CRMP1: variants seen among roughly 807,000 people sequenced by gnomAD.
CRMP1 encodes the protein dihydropyrimidinase-related protein 1.
In CRMP1, 19 loss-of-function variants were observed where a neutral mutation model predicts 68.3. The ratio of observed to expected loss-of-function variants is 0.28; its 90% CI spans 0.19 to 0.41. The LOEUF (loss-of-function observed/expected upper bound fraction) is 0.41. Among genes scored for constraint, CRMP1 ranks in the 10% least tolerant of loss-of-function variants. The pLI is 1.00. For missense variants in CRMP1, 791 were observed against 967.4 expected, an observed-to-expected ratio of 0.82 and a Z score of 2.42; for synonymous variants, 439 against 399.6, an observed-to-expected ratio of 1.10 and a Z score of -1.18.
intron 6 of CRMP1, among the ~76,000 whole-genome samples, chr4:5,844,625 G>A (rs1712044537): frequency 6.6e-6 from 1 of 152,240 alleles, no homozygotes; most frequent in African/African-American, 2.4e-5. Flanking sequence ...AAGCTGGAAA[G>A]CAGATGTCCA....
rs1713296413 is a variant in CRMP1, at chr4:5,858,468, G to A, written c.656-2161C>T. On this transcript the variant is annotated intron_variant, in intron 3 of 13. Coordinates refer to ENST00000324989, the MANE Select transcript of CRMP1 (RefSeq NM_001014809.3). The surrounding 1 kb of genome is among the most constrained non-coding windows in gnomAD (Gnocchi z 5.5). The stretch of plus-strand genomic sequence containing the variant: ...AACGGTTCCACAGCCAGAGGCCCAG[G>A]TCACCCGTGGCACTTCCTTTCCCTC... 6.6e-6 allele frequency among the ~76,000 whole-genome samples: 1 copy of A among 152,096 alleles called. No homozygotes were observed. Among genetic ancestry groups the A allele is most frequent in the Non-Finnish European group, 1.5e-5 (1 of 68,032 alleles).
rs1176509539 is a variant in CRMP1 at position 5,841,581 on chromosome 4, C to T, written c.1033-153G>A. Among the ~76,000 whole-genome samples the T allele has an allele frequency of 6.6e-6, 1 of 152,242 alleles. No individual in the cohort carries two copies. Among genetic ancestry groups the T allele is most frequent in the East Asian group, 1.9e-4 (1 of 5,200 alleles). On this transcript the variant is annotated intron_variant, in intron 7 of 13. Coordinates refer to ENST00000324989, the MANE Select transcript of CRMP1 (RefSeq NM_001014809.3). This position sits in a 1 kb window ranked among gnomAD's most constrained non-coding sequence, Gnocchi z 6.9. ...GTCCAACAGCGCTTGACAGTGCCCC[C>T]TGCTCTCCGGGGTGGAGCATTGGTC...
At chr4:5,827,657 C>T (rs1719863251) in intron 12 of CRMP1, among the ~76,000 whole-genome samples, 1 of 152,010 alleles carries the variant, frequency 6.6e-6, no homozygotes, top group Admixed American at 6.6e-5. Context: ...CACACATCCC[C>T]ATATGCACAC....
At position 5,879,873 on chromosome 4, in the gene CRMP1, G is replaced by T. The variant is rs187436962; in HGVS notation, c.381+12716C>A. On this transcript the variant is annotated intron_variant, in intron 1 of 13. Transcript: ENST00000324989. The surrounding 1 kb of genome is among the most constrained non-coding windows in gnomAD (Gnocchi z 4.2). ...AATATAGCAAAAAAAAAAATGAGAC[G>T]AAAGGAAAGGAAAATGAAAGAAAGT... 6.6e-6 allele frequency among the ~76,000 whole-genome samples: 1 copy of T among 150,876 alleles called. No individual in the cohort carries two copies. Among genetic ancestry groups the T allele is most frequent in the Non-Finnish European group, 1.5e-5 (1 of 67,982 alleles).
At chr4:5,822,835 G>C (rs113830215) in intron 13 of CRMP1, among the ~76,000 whole-genome samples, 1 of 152,134 alleles carries the variant, frequency 6.6e-6, no homozygotes, top group African/African-American at 2.4e-5. Flanking sequence ...ACAGAAAAAC[G>C]TAAGTAAGTT....
Position 5,890,244 on chromosome 4 carries a change from G to A in CRMP1, c.381+2345C>T, listed in dbSNP as rs144997841. On this transcript the variant is annotated intron_variant, in intron 1 of 13. Coordinates refer to ENST00000324989, the MANE Select transcript of CRMP1 (RefSeq NM_001014809.3). This position sits in a 1 kb window ranked among gnomAD's most constrained non-coding sequence, Gnocchi z 5.5. ...CTGAGCAGAAAGCCCCTACAGCAAG[G>A]GACAAGACCACGTGCGTATCAGGGG... is the stretch of plus-strand genomic sequence containing the variant. 0.021 allele frequency: 3,259 copies of A among 154,808 alleles called. 39 individuals carry two copies. The highest frequency in any genetic ancestry group is 0.055 in the South Asian group (276 of 4,984). 9.6% of individuals were successfully genotyped at this position (154,808 alleles called of 1,614,324 possible).
At chr4:5,830,435 T>G (rs1577745473) in intron 11 of CRMP1, among the ~76,000 whole-genome samples, 1 of 152,212 alleles carries the variant, frequency 6.6e-6, no homozygotes, top group African/African-American at 2.4e-5. Context: ...CCTTCAAAAT[T>G]ATCATTCTTT....
chr4:5,837,351 TGA>T (rs1174078139), intron 9 of CRMP1, among the ~76,000 whole-genome samples: 2 of 151,688 alleles, frequency 1.3e-5, no homozygotes, highest in Non-Finnish European at 2.9e-5. Flanking sequence ...TGGACCAGGC[TGA>T]GTGTGGTGGC....
In CRMP1 at chr4:5,836,835, T is replaced by G. The variant is rs1720760982; in HGVS notation, c.1382A>C (p.Asn461Thr). Residue 461 changes from asparagine (N) to threonine (T), a missense_variant, in exon 10 of 14, where the codon AAC (asparagine) becomes ACC (threonine). Around this residue, in one of 3 missense-constraint regions of CRMP1, gnomAD observed 594 missense variants for 763.6 expected, o/e 0.78. Transcript: ENST00000324989. Reference protein sequence around the residue: ...STAQKAVGKDNFTLIPEGVNG... With the variant: ...STAQKAVGKDTFTLIPEGVNG... ...GACACCCTCGGGGATCAGGGTAAAG[T>G]TGTCCTTGCCCACCGCCTTCTGGGC... The G allele has an allele frequency of 1.2e-6, 2 of 1,613,986 alleles. No individual in the cohort carries two copies. Among genetic ancestry groups the G allele is most frequent in the Admixed American group, 3.3e-5 (2 of 60,000 alleles).
Position 5,889,734 on chromosome 4 carries a change from C to T in CRMP1, c.381+2855G>A. 1 of 1,535,606 alleles carries T rather than the reference C, an allele frequency of 6.5e-7. No individual in the cohort carries two copies. The highest frequency in any genetic ancestry group is 8.7e-7 in the Non-Finnish European group (1 of 1,146,566). On this transcript the variant is annotated intron_variant, in intron 1 of 13. Transcript: ENST00000324989. The surrounding 1 kb of genome is among the most constrained non-coding windows in gnomAD (Gnocchi z 4.5). ...AAGTTGCCATCCAGAGCGAGGGTGG[C>T]CTAGGCTTGGTACAGCTCCCCCAGC...
In CRMP1 at chr4:5,860,316, G is replaced by C. The variant is rs769725599; in HGVS notation, c.655+710C>G. 6.6e-6 allele frequency among the ~76,000 whole-genome samples: 1 copy of C among 152,152 alleles called. No homozygotes were observed. The highest frequency in any genetic ancestry group is 1.5e-5 in the Non-Finnish European group (1 of 68,042). On this transcript the variant is annotated intron_variant, in intron 3 of 13. Coordinates refer to ENST00000324989, the MANE Select transcript of CRMP1 (RefSeq NM_001014809.3). This position sits in a 1 kb window ranked among gnomAD's most constrained non-coding sequence, Gnocchi z 4.2. ...ATCCACCAGGAGAACAGAGTGGCTG[G>C]GGAGTCACTGGGTCCAGAATGGGAG... is the stretch of plus-strand genomic sequence containing the variant.
In CRMP1 at chr4:5,825,409, C is replaced by G. The variant is rs1484765336; in HGVS notation, c.1969+85G>C. 1 of 1,489,786 alleles carries G rather than the reference C, an allele frequency of 6.7e-7. No homozygotes were observed. Among genetic ancestry groups the G allele is most frequent in the African/African-American group, 1.4e-5 (1 of 69,482 alleles). 92.3% of individuals were successfully genotyped at this position (1,489,786 alleles called of 1,614,324 possible). A position where few individuals can be genotyped will look rare whatever the true frequency, so the allele number is the denominator to read the frequency against. ...CTTCTTCATCTAGTGTCCAAGGCCACGTGTCCATTTCCTCAGAAGCAGCAG... is the reference window on the plus strand; with the variant it reads ...CTTCTTCATCTAGTGTCCAAGGCCAGGTGTCCATTTCCTCAGAAGCAGCAG... On this transcript the variant is annotated intron_variant, in intron 13 of 13. Transcript: ENST00000324989. This position sits in a 1 kb window ranked among gnomAD's most constrained non-coding sequence, Gnocchi z 4.4.
intron 11 of CRMP1, among the ~76,000 whole-genome samples, chr4:5,832,932 T>G (rs1282512249): frequency 6.6e-6 from 1 of 152,046 alleles, no homozygotes; most frequent in Non-Finnish European, 1.5e-5. Flanking sequence ...TGGGGTGTGG[T>G]AGGCGCAAAA....
In CRMP1 at chr4:5,892,833, T is replaced by A; in HGVS notation, c.137A>T (p.Lys46Met). 1 of 1,415,184 alleles carries A rather than the reference T, an allele frequency of 7.1e-7. No homozygotes were observed. The highest frequency in any genetic ancestry group is 1.5e-5 in the African/African-American group (1 of 66,342). The allele number at this position is 1,415,184 out of a possible 1,614,324, so 87.7% of individuals were successfully genotyped here. The change falls in exon 1 of 14, where the codon AAG becomes ATG. Residue 46 changes from lysine to methionine, a missense_variant. Lys to Met is a moderately conservative substitution (Grantham distance 95, BLOSUM62 -1). Coordinates refer to ENST00000324989, the MANE Select transcript of CRMP1 (RefSeq NM_001014809.3). This position sits in a 1 kb window ranked among gnomAD's most constrained non-coding sequence, Gnocchi z 8.6. ...ACTGTAGGCGTCGAAGTCGATGGTC[T>A]TGTTCTCGTAGGCGCCCTCCACCGC... ...FAAVEGAYEN[K>M]TIDFDAYSVG...
At chr4:5,827,913 G>A (rs1020642099) in intron 12 of CRMP1, 28 of 503,752 alleles carry the variant, frequency 5.6e-5, no homozygotes, top group African/African-American at 5.0e-4. Context: ...TAGGAATAGA[G>A]CCTGCTCCTT....
At chr4:5,832,821 C>CA (rs1332226698) in intron 11 of CRMP1, among the ~76,000 whole-genome samples, 3 of 152,236 alleles carry the variant, frequency 2.0e-5, no homozygotes, top group South Asian at 4.1e-4. Flanking sequence ...ATCGTGCTCC[C>CA]AAAAAAGACG....
chr4:5,869,699 A>G (rs938125396), intron 1 of CRMP1, among the ~76,000 whole-genome samples: 3 of 151,492 alleles, frequency 2.0e-5, no homozygotes, highest in East Asian at 3.9e-4. Context: ...AAAAAAAAAA[A>G]AAGAAAAAGA....
At chr4:5,876,016 G>C (rs1714801821) in intron 1 of CRMP1, among the ~76,000 whole-genome samples, 1 of 152,066 alleles carries the variant, frequency 6.6e-6, no homozygotes, top group Non-Finnish European at 1.5e-5. Context: ...AGCCGAGCAT[G>C]GTGGCAGGCG....
chr4:5,893,016 C>T lies in CRMP1; in HGVS notation c.-47G>A. 9.0e-7 allele frequency: 1 copy of T among 1,114,666 alleles called. No individual in the cohort carries two copies. Among genetic ancestry groups the T allele is most frequent in the Non-Finnish European group, 1.1e-6 (1 of 910,584 alleles). The allele number at this position is 1,114,666 out of a possible 1,614,324, so 69.0% of individuals were successfully genotyped here. A position where few individuals can be genotyped will look rare whatever the true frequency, so the allele number is the denominator to read the frequency against. On this transcript the variant is annotated 5_prime_UTR_variant, in exon 1 of 14. Coordinates refer to ENST00000324989, the MANE Select transcript of CRMP1 (RefSeq NM_001014809.3). The stretch of plus-strand genomic sequence containing the variant: ...CACCGCGCTCCCGCCTGCCCGCCCG[C>T]GGCCCTGGGCACCGCCGTGCGCCGC...
Sources: gnomAD v4.1 joint callset for allele counts (sites outside exome capture counted in the v4.1 genomes callset) on GRCh38, gnomAD v4.1.1 for gene constraint, gnomAD v4.1.1 regional missense constraint, Gnocchi (gnomAD v3.1) non-coding constraint, MANE v1.5 for transcripts, NCBI Gene and HGNC (gene_info 2026-07-23, HGNC 2026-07-21) for gene names.